The following ABCC4 variants were observed in gnomAD, a reference collection of about 807,000 sequenced individuals.
ABCC4 encodes ATP-binding cassette sub-family C member 4.
A neutral mutation model predicts 168.5 loss-of-function variants in ABCC4; 102 were observed. The ratio of observed to expected loss-of-function variants is 0.61; its 90% CI spans 0.52 to 0.71. ABCC4 has a LOEUF of 0.71. Among genes scored for constraint, ABCC4 ranks in the 30% least tolerant of loss-of-function variants. ABCC4 has a pLI of 0.00. For synonymous variants in ABCC4, 617 were observed against 590.7 expected, an observed-to-expected ratio of 1.04 and a Z score of -0.65; for missense variants, 1,402 against 1,605.8, an observed-to-expected ratio of 0.87 and a Z score of 2.17.
intron 14 of ABCC4, among the ~76,000 whole-genome samples, chr13:95,167,886 T>C (rs2037336584): frequency 6.6e-6 from 1 of 152,090 alleles, no homozygotes; most frequent in African/African-American, 2.4e-5. Flanking sequence ...TGTGTGTGTG[T>C]GGTAGGGTCT....
chr13:95,076,550 A>G (rs1468952865), intron 21 of ABCC4, among the ~76,000 whole-genome samples: 2 of 141,462 alleles, frequency 1.4e-5, no homozygotes, highest in Admixed American at 7.3e-5. Context: ...CCCTGCCCCG[A>G]CCTGCCCCCG....
At position 95,083,293 on chromosome 13, in the gene ABCC4, G is replaced by A; in HGVS notation, c.2536-3C>T. 1 of 1,612,148 alleles carries A rather than the reference G, an allele frequency of 6.2e-7. No homozygotes were observed. On this transcript the variant is annotated splice_polypyrimidine_tract_variant and splice_region_variant and intron_variant, in intron 20 of 30. Coordinates refer to ENST00000645237, the MANE Select transcript of ABCC4 (RefSeq NM_005845.5). ...ACACCAACCACTTGTAGCAATGTCT[G>A]AAATAGCAGAAGTAGATGCAGGTTT...
In ABCC4 at chr13:95,086,461, G is replaced by A. The variant is rs80187899; in HGVS notation, c.2536-3171C>T. ...GAAAAATATAAAATTTCCCCCGGCA[G>A]ACTCTTCTAGAATTAATTTTGTATC... On this transcript the variant is annotated intron_variant, in intron 20 of 30. Coordinates refer to ENST00000645237, the MANE Select transcript of ABCC4 (RefSeq NM_005845.5). 6.6e-5 allele frequency among the ~76,000 whole-genome samples: 10 copies of A among 152,254 alleles called. No homozygotes were observed. In the East Asian group the frequency reaches 1.5e-3, roughly 23 times the overall value.
chr13:95,073,550 C>T (rs1282960459), intron 23 of ABCC4: 1 of 322,410 alleles, frequency 3.1e-6, no homozygotes, highest in Admixed American at 4.6e-5. Context: ...ATTTAATTAA[C>T]AGTATTACAA....
At chr13:95,248,896 G>A (rs1022526201) in intron 1 of ABCC4, among the ~76,000 whole-genome samples, 3 of 152,022 alleles carry the variant, frequency 2.0e-5, no homozygotes, top group Non-Finnish European at 4.4e-5. Flanking sequence ...AAAAATTAGC[G>A]AGGTGTGATG....
intron 30 of ABCC4, among the ~76,000 whole-genome samples, chr13:95,033,862 G>T (rs553638279): frequency 6.6e-6 from 1 of 151,946 alleles, no homozygotes; most frequent in Non-Finnish European, 1.5e-5. Context: ...GGGTTTCTCC[G>T]TGTTGGTCAG....
chr13:95,291,910 C>A (rs1594454198), intron 1 of ABCC4, among the ~76,000 whole-genome samples: 2 of 152,034 alleles, frequency 1.3e-5, no homozygotes, highest in Admixed American at 6.6e-5. Flanking sequence ...CATACCACTG[C>A]ACGCCAGCCT....
At chr13:95,189,157 G>A (rs1254911535) in intron 9 of ABCC4, among the ~76,000 whole-genome samples, 1 of 126,378 alleles carries the variant, frequency 7.9e-6, no homozygotes, top group Admixed American at 9.3e-5. Flanking sequence ...TTTTTGAGAC[G>A]GAGTCTCGTT....
chr13:95,138,045 C>G (rs999076704), intron 19 of ABCC4, among the ~76,000 whole-genome samples: 3 of 152,044 alleles, frequency 2.0e-5, no homozygotes, highest in African/African-American at 7.2e-5. Context: ...GAAAAAGGAC[C>G]AATTCTTTCC....
At chr13:95,041,654 C>T (rs975969423) in intron 29 of ABCC4, among the ~76,000 whole-genome samples, 24 of 152,074 alleles carry the variant, frequency 1.6e-4, no homozygotes, top group Middle Eastern at 3.4e-3. Context: ...TTTTCTGGAA[C>T]GGTATCTCTA....
In ABCC4 at chr13:95,188,467, C is replaced by T. The variant is rs1345176162; in HGVS notation, c.1339G>A (p.Val447Met). 1.9e-6 allele frequency: 3 copies of T among 1,614,064 alleles called. No homozygotes were observed. The highest frequency in any genetic ancestry group is 2.2e-5 in the East Asian group (1 of 44,896). ...TTCTAACTCACCTTCCCTGCTCCCACGGGGCCGACCACAGCTAACAATTCG... is the reference window on the plus strand; with the variant it reads ...TTCTAACTCACCTTCCCTGCTCCCATGGGGCCGACCACAGCTAACAATTCG... ...PGELLAVVGP[V>M]GAGKSSLLSA... The change falls in exon 10 of 31, where the codon GTG becomes ATG. Residue 447 changes from valine to methionine, a missense_variant. Transcript: ENST00000645237.
chr13:95,091,548 G>A (rs772262763), intron 20 of ABCC4, among the ~76,000 whole-genome samples: 26 of 152,272 alleles, frequency 1.7e-4, no homozygotes, highest in African/African-American at 3.1e-4. Flanking sequence ...GTGAAACTAT[G>A]CTCCACATAT....
chr13:95,151,918 T>G (rs2036702729), intron 19 of ABCC4, among the ~76,000 whole-genome samples: 1 of 152,184 alleles, frequency 6.6e-6, no homozygotes, highest in Non-Finnish European at 1.5e-5. Context: ...AAGAACAGAT[T>G]TTCAATGTCT....
chr13:95,280,562 T>C (rs2041092201), intron 1 of ABCC4, among the ~76,000 whole-genome samples: 1 of 125,356 alleles, frequency 8.0e-6, no homozygotes, highest in South Asian at 2.9e-4. Context: ...TTTGCTGTTT[T>C]GCCTTCTATT....
At chr13:95,100,028 A>C (rs962313038) in intron 20 of ABCC4, among the ~76,000 whole-genome samples, 2 of 152,216 alleles carry the variant, frequency 1.3e-5, no homozygotes, top group Non-Finnish European at 2.9e-5. Flanking sequence ...AATGAATGTA[A>C]TCAATCAAGA....
chr13:95,062,779 T>C lies in ABCC4; in HGVS notation c.3291A>G (p.Lys1097=). Residue 1097 remains lysine (K), a synonymous_variant, in exon 26 of 31, where the codon AAA becomes AAG. Coordinates refer to ENST00000645237, the MANE Select transcript of ABCC4 (RefSeq NM_005845.5). ...ALFRLSEPEG[K]IWIDKILTTE... is the part of the protein sequence containing the mutation. ...TTGTCAAGATCTTATCAATCCAAAT[T>C]TTACCTTCGGGTTCTGACAATCTAA... The C allele has an allele frequency of 6.2e-7, 1 of 1,613,894 alleles. No homozygotes were observed. The highest frequency in any genetic ancestry group is 2.2e-5 in the East Asian group (1 of 44,862).
At chr13:95,025,166 TAC>T (rs201832566) in intron 30 of ABCC4, among the ~76,000 whole-genome samples, 1,692 of 131,834 alleles carry the variant, frequency 0.013, 39 homozygotes, top group African/African-American at 0.045. Flanking sequence ...CAATTTCACA[TAC>T]ACACACACAC....
At chr13:95,290,845 A>T (rs9524892) in intron 1 of ABCC4, among the ~76,000 whole-genome samples, 64,547 of 149,048 alleles carry the variant, frequency 0.43, 16,024 homozygotes, top group Non-Finnish European at 0.57. Flanking sequence ...ACAAATACAA[A>T]AATTAGCCGG....
At chr13:95,223,931 G>A (rs925796165) in intron 4 of ABCC4, among the ~76,000 whole-genome samples, 3 of 152,098 alleles carry the variant, frequency 2.0e-5, no homozygotes, top group African/African-American at 7.2e-5. Flanking sequence ...TTGAATAAAA[G>A]TGAAAAAGAC....
Sources: gnomAD v4.1 joint callset for allele counts (sites outside exome capture counted in the v4.1 genomes callset) on GRCh38, gnomAD v4.1.1 for gene constraint, MANE v1.5 for transcripts, NCBI Gene and HGNC (gene_info 2026-07-23, HGNC 2026-07-21) for gene names.